Variants in MAPKBP1 observed in about 807,000 individuals in gnomAD.
The protein encoded by MAPKBP1 is mitogen-activated protein kinase binding protein 1.
MAPKBP1 carries 71 observed loss-of-function variants against 170.5 expected under a neutral mutation model. That is an observed-to-expected ratio of 0.42 (90% CI 0.34 to 0.51). MAPKBP1 has a LOEUF of 0.51. Among genes scored for constraint, MAPKBP1 ranks in the 20% least tolerant of loss-of-function variants. The pLI, the probability that MAPKBP1 is intolerant of heterozygous loss-of-function variation, is 0.06. For synonymous variants in MAPKBP1, 719 were observed against 757.9 expected (o/e 0.95, Z 0.84); for missense variants, 1,598 against 1,933.0 (o/e 0.83, Z 3.25).
chr15:41,776,968 G>A (rs1235229141), intron 2 of MAPKBP1, among the ~76,000 whole-genome samples: 1 of 152,186 alleles, frequency 6.6e-6, no homozygotes, highest in African/African-American at 2.4e-5. Flanking sequence ...ACACGGTGTG[G>A]TAAGTGCTGC....
chr15:41,794,394 T>C (rs1165031554), intron 2 of MAPKBP1, among the ~76,000 whole-genome samples: 1 of 152,234 alleles, frequency 6.6e-6, no homozygotes, highest in East Asian at 1.9e-4. Flanking sequence ...CCACACCACA[T>C]CTTCCACTAT....
At chr15:41,799,734 A>G (rs1009218451) in intron 2 of MAPKBP1, 89 bp from the exon 3 acceptor site, 6 of 949,078 alleles carry the variant, frequency 6.3e-6, no homozygotes, top group Admixed American at 3.8e-5. Context: ...GAAAGTAGCC[A>G]GTGCCTCAGG....
chr15:41,822,728 C>A, intron 27 of MAPKBP1, 51 bp downstream of exon 27: 1 of 1,594,538 alleles, frequency 6.3e-7, no homozygotes, highest in Non-Finnish European at 8.6e-7. Context: ...CCTCGCCTCC[C>A]AGGGCTGCTG....
In MAPKBP1 at chr15:41,813,002, C is replaced by T. The variant is rs754006849; in HGVS notation, c.720C>T (p.Gly240=). The T allele has an allele frequency of 2.5e-6, 4 of 1,613,860 alleles. No homozygotes were observed. Among genetic ancestry groups the T allele is most frequent in the Non-Finnish European group, 1.7e-6 (2 of 1,179,916 alleles). The change falls in exon 8 of 31, where the codon GGC becomes GGT. Residue 240 remains glycine, a synonymous_variant. Transcript: ENST00000457542. ...RNNLFTDVAC[G]RGKKADSTFC... is the part of the protein sequence containing the mutation. ...ACCTATTCACTGATGTGGCCTGTGG[C>T]AGAGGAAAAAAGGCGGACAGTACCT...
intron 12 of MAPKBP1, among the ~76,000 whole-genome samples, chr15:41,816,118 G>A (rs1422724007): frequency 6.6e-6 from 1 of 152,134 alleles, no homozygotes; most frequent in African/African-American, 2.4e-5. Context: ...TCACATTGAG[G>A]TACATACCAC....
At chr15:41,810,762 C>A in intron 3 of MAPKBP1, 121 bp from the exon 4 acceptor site, 2 of 681,328 alleles carry the variant, frequency 2.9e-6, no homozygotes, top group East Asian at 2.6e-5. Context: ...AACAGTGGAG[C>A]CCTTCTGAGC....
rs2065006903 is a variant in MAPKBP1 at position 41,822,053 on chromosome 15, G to C, written c.2974G>C (p.Ala992Pro). ...RSSEKHSPDS[A>P]CSVDYSSSCL... is the part of the protein sequence containing the mutation. ...CTCAGAAAAGCACAGCCCTGACAGTGCCTGCTCTGTGGATTACAGCAGCAG... is the reference window on the plus strand; with the variant it reads ...CTCAGAAAAGCACAGCCCTGACAGTCCCTGCTCTGTGGATTACAGCAGCAG... The change falls in exon 25 of 31, where the codon GCC becomes CCC. Residue 992 changes from alanine to proline, a missense_variant. By Grantham distance (27) the Ala-to-Pro change is conservative. This residue lies in a region of MAPKBP1 where 942 missense variants were observed against 953.2 expected (regional missense o/e 0.99). Transcript: ENST00000457542. The C allele has an allele frequency of 1.9e-6, 3 of 1,609,338 alleles. No homozygotes were observed. Among genetic ancestry groups the C allele is most frequent in the African/African-American group, 2.7e-5 (2 of 74,910 alleles).
chr15:41,806,388 G>T (rs929543507), intron 3 of MAPKBP1, among the ~76,000 whole-genome samples: 1 of 152,180 alleles, frequency 6.6e-6, no homozygotes, highest in African/African-American at 2.4e-5. Context: ...AAAGGCCCAG[G>T]GTCCCTGGTT....
At position 41,798,249 on chromosome 15, in the gene MAPKBP1, C is replaced by CA. The variant is rs1241108889; in HGVS notation, c.115-1552dup. On this transcript the variant is annotated intron_variant, in intron 2 of 30. Transcript: ENST00000457542. The stretch of plus-strand genomic sequence containing the variant: ...TGGGTGACAGAGTGAGACTCTGTCT[C>CA]AAAAAAAAAAAAAAAAAAAAAATCT... Among the ~76,000 whole-genome samples the CA allele has an allele frequency of 4.7e-3, 268 of 56,860 alleles. 1 individual carries two copies. Among genetic ancestry groups the CA allele is most frequent in the African/African-American group, 0.011 (150 of 13,856 alleles). 37.3% of individuals were successfully genotyped at this position (56,860 alleles called of 152,430 possible). A position where few individuals can be genotyped will look rare whatever the true frequency, so the allele number is the denominator to read the frequency against.
intron 2 of MAPKBP1, among the ~76,000 whole-genome samples, chr15:41,790,357 C>A (rs1567137311): frequency 6.6e-6 from 1 of 152,292 alleles, no homozygotes; most frequent in South Asian, 2.1e-4. Context: ...TCTTTTCATT[C>A]AGAATCTTGC....
At chr15:41,814,387 G>A (rs1264833102) in intron 9 of MAPKBP1, among the ~76,000 whole-genome samples, 163 bp from the exon 10 acceptor site, 1 of 152,222 alleles carries the variant, frequency 6.6e-6, no homozygotes, top group African/African-American at 2.4e-5. Context: ...GCTGGGTCAG[G>A]TTCCTGCTGA....
intron 2 of MAPKBP1, among the ~76,000 whole-genome samples, chr15:41,797,697 G>A (rs2064515462): frequency 6.6e-6 from 1 of 152,142 alleles, no homozygotes; most frequent in Non-Finnish European, 1.5e-5. Flanking sequence ...GCCTCAGATC[G>A]GCGCAAGGGT....
chr15:41,822,568 T>C (rs990858725), intron 26 of MAPKBP1, 25 bp from the exon 27 acceptor site: 45 of 1,613,204 alleles, frequency 2.8e-5, no homozygotes, highest in Non-Finnish European at 3.8e-5. Flanking sequence ...TTTGCCCCAA[T>C]TCATGATTTC....
Position 41,816,010 on chromosome 15 carries a change from A to G in MAPKBP1, c.1493+211A>G, listed in dbSNP as rs1017096772. ...TCCTCATATCAACATCATTAAGCCC[A>G]TGATAGGATGTACTAAGAAGGATGT... is the stretch of plus-strand genomic sequence containing the variant. On this transcript the variant is annotated intron_variant, in intron 12 of 30. Transcript: ENST00000457542. 5.9e-5 allele frequency among the ~76,000 whole-genome samples: 9 copies of G among 152,374 alleles called. No individual in the cohort carries two copies. In the East Asian group the frequency reaches 1.7e-3, roughly 29 times the overall value.
intron 3 of MAPKBP1, among the ~76,000 whole-genome samples, chr15:41,802,017 A>G (rs780545087): frequency 2.6e-5 from 4 of 152,230 alleles, no homozygotes; most frequent in Admixed American, 6.5e-5. Flanking sequence ...ATAGCCTACT[A>G]CATACCTAGG....
chr15:41,802,143 A>G (rs1305797576), intron 3 of MAPKBP1, among the ~76,000 whole-genome samples: 1 of 152,216 alleles, frequency 6.6e-6, no homozygotes, highest in African/African-American at 2.4e-5. Flanking sequence ...TAGAAAAAGT[A>G]TGGTTAAAAT....
At chr15:41,789,144 C>T (rs1333333141) in intron 2 of MAPKBP1, among the ~76,000 whole-genome samples, 1 of 152,164 alleles carries the variant, frequency 6.6e-6, no homozygotes, top group African/African-American at 2.4e-5. Flanking sequence ...TTAATATTCT[C>T]ACTGGTTACA....
intron 13 of MAPKBP1, 100 bp from the exon 14 acceptor site, chr15:41,816,810 G>T: frequency 6.6e-7 from 1 of 1,525,496 alleles, no homozygotes; most frequent in Non-Finnish European, 8.9e-7. Context: ...GGTTCACATG[G>T]CTTGGGGATA....
At chr15:41,819,553 G>GGT in intron 21 of MAPKBP1, 42 bp from the exon 22 acceptor site, 4 of 1,502,876 alleles carry the variant, frequency 2.7e-6, no homozygotes, top group Non-Finnish European at 2.7e-6. Context: ...GTGGCGGGGG[G>GGT]GGGGCAGGAG....
Sources: gnomAD v4.1 joint callset for allele counts (sites outside exome capture counted in the v4.1 genomes callset) on GRCh38, gnomAD v4.1.1 for gene constraint, gnomAD v4.1.1 regional missense constraint, MANE v1.5 for transcripts, NCBI Gene and HGNC (gene_info 2026-07-23, HGNC 2026-07-21) for gene names.